The following GABRA5 variants were observed in gnomAD, a reference collection of about 807,000 sequenced individuals.
GABRA5 encodes gamma-aminobutyric acid type A receptor subunit alpha5.
A neutral mutation model predicts 47.3 loss-of-function variants in GABRA5; 18 were observed. That is an observed-to-expected ratio of 0.38 (90% CI 0.26 to 0.56). The LOEUF (loss-of-function observed/expected upper bound fraction) is 0.56. Ranked by LOEUF, GABRA5 falls within the 20% of genes least tolerant of loss-of-function variation. The pLI is 0.71. For missense variants in GABRA5, 365 were observed against 599.3 expected (o/e 0.61, Z 4.08); for synonymous variants, 237 against 229.3 (o/e 1.03, Z -0.30).
At chr15:26,904,605 GT>G (rs1893400005) in intron 6 of GABRA5, among the ~76,000 whole-genome samples, 1 of 152,100 alleles carries the variant, frequency 6.6e-6, no homozygotes, top group Non-Finnish European at 1.5e-5. Context: ...AGCATGGAAT[GT>G]TTTTCCATTT....
At chr15:26,908,815 T>C (rs1893509705) in intron 6 of GABRA5, among the ~76,000 whole-genome samples, 1 of 152,186 alleles carries the variant, frequency 6.6e-6, no homozygotes, top group South Asian at 2.1e-4. Context: ...TCACATGAGA[T>C]GTCTATTTCA....
chr15:26,869,017 T>G (rs1892396334), intron 2 of GABRA5, among the ~76,000 whole-genome samples, 158 bp from the exon 3 acceptor site: 1 of 152,136 alleles, frequency 6.6e-6, no homozygotes, highest in South Asian at 2.1e-4. Context: ...TACTGCCCAG[T>G]GAGGGTGATG....
At position 26,943,948 on chromosome 15, in the gene GABRA5, C is replaced by A. The variant is rs561438920; in HGVS notation, c.1089+522C>A. Among the ~76,000 whole-genome samples the A allele has an allele frequency of 3.9e-5, 6 of 152,272 alleles. No homozygotes were observed. The East Asian group carries it at 1.2e-3, about 29-fold the overall frequency. Reference sequence around the variant, plus strand: ...AAGTATTTAAAGGATGATTTATGCCCAAACATTTGAAGAAAAAATGTTATT... The same window carrying A: ...AAGTATTTAAAGGATGATTTATGCCAAAACATTTGAAGAAAAAATGTTATT... On this transcript the variant is annotated intron_variant, in intron 10 of 10. Transcript: ENST00000335625.
chr15:26,934,165 T>C (rs773016059), intron 7 of GABRA5, among the ~76,000 whole-genome samples: 4 of 147,256 alleles, frequency 2.7e-5, no homozygotes, highest in Admixed American at 6.9e-5. Flanking sequence ...GGTGGGAGAA[T>C]CGCTTGAACC....
intron 6 of GABRA5, among the ~76,000 whole-genome samples, chr15:26,885,067 C>T (rs772498292): frequency 3.9e-5 from 6 of 151,922 alleles, no homozygotes; most frequent in African/African-American, 7.3e-5. Context: ...GAGGCCGAGG[C>T]GGGAGGATCA....
intron 6 of GABRA5, among the ~76,000 whole-genome samples, chr15:26,887,031 C>T (rs1892896516): frequency 1.3e-5 from 2 of 152,172 alleles, no homozygotes; most frequent in African/African-American, 4.8e-5. Context: ...ACTTCAGTGC[C>T]AGGGTCCTTC....
intron 7 of GABRA5, among the ~76,000 whole-genome samples, chr15:26,936,922 C>T (rs527776514): frequency 1.4e-3 from 209 of 152,300 alleles, no homozygotes; most frequent in African/African-American, 4.8e-3. Flanking sequence ...ACCTCCTGCA[C>T]CATCGTGCGC....
At chr15:26,895,555 G>T (rs1001299209) in intron 6 of GABRA5, among the ~76,000 whole-genome samples, 1 of 152,060 alleles carries the variant, frequency 6.6e-6, no homozygotes, top group Admixed American at 6.6e-5. Context: ...GTTCACGCCT[G>T]TAATCCCAGC....
intron 7 of GABRA5, among the ~76,000 whole-genome samples, chr15:26,916,457 A>G (rs1191687490): frequency 5.9e-5 from 9 of 152,246 alleles, no homozygotes; most frequent in Admixed American, 3.9e-4. Flanking sequence ...TGCCTGTGCC[A>G]TACTGTTTTA....
At chr15:26,919,338 T>TC (rs1355718020) in intron 7 of GABRA5, among the ~76,000 whole-genome samples, 1 of 130,872 alleles carries the variant, frequency 7.6e-6, no homozygotes, top group East Asian at 2.1e-4. Context: ...TCTCCTGCTG[T>TC]CTTTGTGCTT....
intron 7 of GABRA5, among the ~76,000 whole-genome samples, chr15:26,919,955 TA>T (rs113569011): frequency 2.4e-4 from 37 of 151,402 alleles, no homozygotes; most frequent in African/African-American, 7.5e-4. Context: ...AGATTTCTGA[TA>T]AAAAAAAATC....
chr15:26,895,323 T>TA (rs1893155880), intron 6 of GABRA5, among the ~76,000 whole-genome samples: 1 of 152,132 alleles, frequency 6.6e-6, no homozygotes, highest in African/African-American at 2.4e-5. Flanking sequence ...CACCCGGACT[T>TA]ACCATGTTAA....
intron 3 of GABRA5, among the ~76,000 whole-genome samples, chr15:26,875,289 C>T (rs1892567329): frequency 6.6e-6 from 1 of 152,194 alleles, no homozygotes; most frequent in Non-Finnish European, 1.5e-5. Context: ...CCCACATCTG[C>T]AATGTCTCCC....
Position 26,949,137 on chromosome 15 carries a change from A to G in GABRA5, c.*904A>G, listed in dbSNP as rs1017031971. The G allele has an allele frequency of 6.6e-6, 1 of 152,088 alleles. No homozygotes were observed. Among genetic ancestry groups the G allele is most frequent in the Non-Finnish European group, 1.5e-5 (1 of 68,014 alleles). The allele number at this position is 152,088 out of a possible 1,614,324, so 9.4% of individuals were successfully genotyped here. On this transcript the variant is annotated 3_prime_UTR_variant, in exon 11 of 11. Coordinates refer to ENST00000335625, the MANE Select transcript of GABRA5 (RefSeq NM_000810.4). Reference sequence around the variant, plus strand: ...TTGTATGTATTTCATGACTGGACTTACTGCTCTGTCAGCTTTTGTATATGA... The same window carrying G: ...TTGTATGTATTTCATGACTGGACTTGCTGCTCTGTCAGCTTTTGTATATGA...
At chr15:26,939,702 C>T (rs1032456369) in intron 8 of GABRA5, among the ~76,000 whole-genome samples, 1 of 152,100 alleles carries the variant, frequency 6.6e-6, no homozygotes, top group African/African-American at 2.4e-5. Flanking sequence ...GAAGAGCATC[C>T]GTCATCAAAG....
chr15:26,888,551 C>T (rs1230690384), intron 6 of GABRA5, among the ~76,000 whole-genome samples: 3 of 152,092 alleles, frequency 2.0e-5, no homozygotes, highest in African/African-American at 4.8e-5. Flanking sequence ...ATTGTTTTCT[C>T]GGGTGAGGGG....
intron 7 of GABRA5, among the ~76,000 whole-genome samples, chr15:26,923,387 G>C (rs1893885781): frequency 6.6e-6 from 1 of 152,168 alleles, no homozygotes; most frequent in Non-Finnish European, 1.5e-5. Context: ...AGCTTTGACA[G>C]TTCTTTTGGC....
intron 7 of GABRA5, among the ~76,000 whole-genome samples, chr15:26,920,877 G>A (rs947149183): frequency 6.6e-6 from 1 of 152,112 alleles, no homozygotes; most frequent in Non-Finnish European, 1.5e-5. Context: ...ACTGAAATCG[G>A]TTCCTCCGAC....
intron 8 of GABRA5, among the ~76,000 whole-genome samples, chr15:26,938,454 T>C (rs1288846139): frequency 1.3e-5 from 2 of 152,204 alleles, no homozygotes; most frequent in Non-Finnish European, 2.9e-5. Flanking sequence ...ATTTGCATTC[T>C]ACAATCTTTT....
Sources: allele counts gnomAD v4.1 joint callset (sites outside exome capture counted in the v4.1 genomes callset), GRCh38; gene constraint gnomAD v4.1.1; transcripts MANE v1.5; gene names NCBI Gene and HGNC (gene_info 2026-07-23, HGNC 2026-07-21).